DSCAML1: variants seen among roughly 807,000 people sequenced by gnomAD.
DSCAML1 encodes the protein DS cell adhesion molecule like 1.
Under a neutral mutation model 200.5 loss-of-function variants are expected in DSCAML1, and 38 were observed. That is an observed-to-expected ratio of 0.19 (90% CI 0.15 to 0.25). DSCAML1 has a LOEUF of 0.25. DSCAML1 is among the 10% of genes least tolerant of loss of function. The pLI, the probability that DSCAML1 is intolerant of heterozygous loss-of-function variation, is 1.00. For missense variants in DSCAML1, 2,223 were observed against 2,858.8 expected (o/e 0.78, Z 5.07); for synonymous variants, 1,215 against 1,165.0 (o/e 1.04, Z -0.87).
chr11:117,604,793 A>C (rs575194727), intron 3 of DSCAML1, among the ~76,000 whole-genome samples: 1 of 152,248 alleles, frequency 6.6e-6, no homozygotes, highest in South Asian at 2.1e-4. Context: ...AGAGACTAGC[A>C]ATGGAAAAAG....
At chr11:117,511,071 T>A (rs2049608516) in intron 8 of DSCAML1, among the ~76,000 whole-genome samples, 2 of 152,068 alleles carry the variant, frequency 1.3e-5, no homozygotes, top group Non-Finnish European at 2.9e-5. Flanking sequence ...AACCTACTCG[T>A]TAGGGTGGGA....
chr11:117,687,358 T>G (rs1001325887), intron 3 of DSCAML1, among the ~76,000 whole-genome samples: 1 of 151,422 alleles, frequency 6.6e-6, no homozygotes, highest in African/African-American at 2.4e-5. Flanking sequence ...ACTCCTGAGC[T>G]CAAGTAATCC....
chr11:117,624,534 T>A (rs1386406677), intron 3 of DSCAML1, among the ~76,000 whole-genome samples: 1 of 152,106 alleles, frequency 6.6e-6, no homozygotes, highest in African/African-American at 2.4e-5. Context: ...TTTGGCCTTT[T>A]TTTATGGCTT....
chr11:117,593,718 T>G (rs965722564), intron 3 of DSCAML1, among the ~76,000 whole-genome samples: 1 of 150,090 alleles, frequency 6.7e-6, no homozygotes, highest in East Asian at 2.0e-4. Context: ...CTTGTTTTTT[T>G]TTTTTTTTTT....
intron 4 of DSCAML1, 144 bp downstream of exon 4, chr11:117,532,232 A>G: frequency 2.8e-6 from 2 of 716,816 alleles, no homozygotes; most frequent in South Asian, 5.7e-5. Context: ...TGGTTTCAGT[A>G]CCTGATTTCT....
At chr11:117,585,748 C>T (rs2051128889) in intron 3 of DSCAML1, among the ~76,000 whole-genome samples, 1 of 152,094 alleles carries the variant, frequency 6.6e-6, no homozygotes, top group African/African-American at 2.4e-5. Context: ...ACTGGTGCCT[C>T]TGTCTGGGAG....
chr11:117,759,678 T>A (rs2054764073), intron 3 of DSCAML1, among the ~76,000 whole-genome samples: 1 of 152,108 alleles, frequency 6.6e-6, no homozygotes, highest in South Asian at 2.1e-4. Context: ...ACTCCCTCTC[T>A]GGACGGGAGG....
chr11:117,777,818 C>A (rs1466679882), intron 2 of DSCAML1, among the ~76,000 whole-genome samples: 3 of 152,302 alleles, frequency 2.0e-5, no homozygotes, highest in African/African-American at 7.2e-5. Flanking sequence ...AGACCCAGCC[C>A]TAGGAATGGG....
intron 11 of DSCAML1, among the ~76,000 whole-genome samples, chr11:117,487,767 G>C (rs956682540): frequency 2.6e-5 from 4 of 152,170 alleles, no homozygotes; most frequent in African/African-American, 9.7e-5. Context: ...TAGTAACCCA[G>C]GGAGCAAGGG....
intron 3 of DSCAML1, among the ~76,000 whole-genome samples, chr11:117,693,056 T>G (rs1421671853): frequency 6.6e-6 from 1 of 152,206 alleles, no homozygotes. Flanking sequence ...TGATGTGGTC[T>G]GAACAGCACA....
At chr11:117,700,898 C>A (rs1382622893) in intron 3 of DSCAML1, among the ~76,000 whole-genome samples, 1 of 152,238 alleles carries the variant, frequency 6.6e-6, no homozygotes, top group African/African-American at 2.4e-5. Flanking sequence ...CACCGCCTAC[C>A]CTTAAACAAA....
intron 3 of DSCAML1, among the ~76,000 whole-genome samples, chr11:117,735,651 G>A (rs557101746): frequency 6.6e-6 from 1 of 152,332 alleles, no homozygotes; most frequent in East Asian, 1.9e-4. Context: ...GAGCCTGCGA[G>A]GACCTCACAT....
At chr11:117,702,094 G>T (rs1487484023) in intron 3 of DSCAML1, among the ~76,000 whole-genome samples, 2 of 152,164 alleles carry the variant, frequency 1.3e-5, no homozygotes, top group Non-Finnish European at 2.9e-5. Context: ...CTGTGTGGCT[G>T]CCTCTTCCCT....
In DSCAML1 at chr11:117,525,007, C is replaced by A. The variant is rs1280309985; in HGVS notation, c.735G>T (p.Leu245=). 4 of 1,609,916 alleles carry A rather than the reference C, an allele frequency of 2.5e-6. No homozygotes were observed. The East Asian group carries it at 6.7e-5, about 27-fold the overall frequency. Residue 245 remains leucine (L), a synonymous_variant, in exon 5 of 33, where the codon CTG becomes CTT. Coordinates refer to ENST00000651296, the MANE Select transcript of DSCAML1 (RefSeq NM_020693.4). ...TAGGGTAGCCCGAGGCGGTGCAGGG[C>A]AGCTCCACGGTGTGGCCGGCCCACA... is the stretch of plus-strand genomic sequence containing the variant. ...QEVWAGHTVE[L]PCTASGYPIP...
Position 117,766,444 on chromosome 11 carries a change from CAACCCTTGACTTCACT to C in DSCAML1, c.511+10331_511+10346del, listed in dbSNP as rs2134027005. Among the ~76,000 whole-genome samples, 5 of 152,346 alleles carry C rather than the reference CAACCCTTGACTTCACT, an allele frequency of 3.3e-5. 1 individual carries two copies. Among genetic ancestry groups the C allele is most frequent in the African/African-American group, 1.2e-4 (5 of 41,582 alleles). ...TTTTGAAAACCCTATAATTTCCCTG[CAACCCTTGACTTCACT>C]AAACACACATTTTTAGACTACAGCA... On this transcript the variant is annotated intron_variant, in intron 3 of 32. Coordinates refer to ENST00000651296, the MANE Select transcript of DSCAML1 (RefSeq NM_020693.4).
intron 1 of DSCAML1, among the ~76,000 whole-genome samples, chr11:117,805,968 G>C (rs537851628): frequency 1.3e-5 from 2 of 152,358 alleles, no homozygotes; most frequent in Non-Finnish European, 2.9e-5. Context: ...TCACATGGCA[G>C]AGTCAGGGCT....
chr11:117,535,437 G>A (rs951112621), intron 3 of DSCAML1, among the ~76,000 whole-genome samples: 8 of 152,280 alleles, frequency 5.3e-5, no homozygotes, highest in East Asian at 3.9e-4. Context: ...CGCTCTGCCC[G>A]GCTCCAGCAC....
chr11:117,613,798 C>A (rs1591323374), intron 3 of DSCAML1, among the ~76,000 whole-genome samples: 1 of 152,154 alleles, frequency 6.6e-6, no homozygotes, highest in African/African-American at 2.4e-5. Flanking sequence ...CTGCCAGAGC[C>A]CAGGGAGGGT....
intron 3 of DSCAML1, among the ~76,000 whole-genome samples, chr11:117,720,897 C>G (rs958733112): frequency 2.6e-5 from 4 of 152,228 alleles, no homozygotes; most frequent in African/African-American, 9.6e-5. Context: ...CCTGAGGTTA[C>G]GCTGAGTCCT....
Sources: gnomAD v4.1 joint callset for allele counts (sites outside exome capture counted in the v4.1 genomes callset) on GRCh38, gnomAD v4.1.1 for gene constraint, MANE v1.5 for transcripts, NCBI Gene and HGNC (gene_info 2026-07-23, HGNC 2026-07-21) for gene names.